The following FMNL2 variants were observed in gnomAD, a reference collection of about 807,000 sequenced individuals.
FMNL2 encodes the protein formin-like protein 2.
FMNL2 carries 51 observed loss-of-function variants against 130.2 expected under a neutral mutation model. The observed-to-expected ratio is 0.39, with a 90% confidence interval of 0.31 to 0.49. The LOEUF is 0.49. Ranked by LOEUF, FMNL2 falls within the 20% of genes least tolerant of loss-of-function variation. The pLI is 0.85. For missense variants in FMNL2, 977 were observed against 1,316.2 expected (o/e 0.74, Z 3.99); for synonymous variants, 465 against 467.1 (o/e 1.00, Z 0.06).
At chr2:152,574,206 G>C (rs1286349298) in intron 6 of FMNL2, among the ~76,000 whole-genome samples, 1 of 152,184 alleles carries the variant, frequency 6.6e-6, no homozygotes, top group Non-Finnish European at 1.5e-5. Flanking sequence ...GGGAGGCCGA[G>C]GTAGGTGGAT....
intron 1 of FMNL2, among the ~76,000 whole-genome samples, chr2:152,414,982 G>A (rs116661218): frequency 0.024 from 3,670 of 152,204 alleles, 138 homozygotes; most frequent in African/African-American, 0.084. Context: ...ATATGTGTGG[G>A]AAGGTCCCTG....
At chr2:152,402,964 G>C (rs1375950674) in intron 1 of FMNL2, among the ~76,000 whole-genome samples, 1 of 152,140 alleles carries the variant, frequency 6.6e-6, no homozygotes, top group Non-Finnish European at 1.5e-5. Flanking sequence ...ATTTTTGGTT[G>C]TGACAGTGTC....
intron 1 of FMNL2, among the ~76,000 whole-genome samples, chr2:152,497,528 T>C (rs1377629669): frequency 6.6e-6 from 1 of 152,218 alleles, no homozygotes; most frequent in Admixed American, 6.5e-5. Context: ...GCTCAGAAGG[T>C]GTCATTTCTT....
chr2:152,595,748 ATC>A (rs1191665237), intron 9 of FMNL2, among the ~76,000 whole-genome samples: 1 of 151,984 alleles, frequency 6.6e-6, no homozygotes, highest in Non-Finnish European at 1.5e-5. Flanking sequence ...TGCGGAGGAG[ATC>A]TCTTTCTGTC....
chr2:152,520,489 G>A (rs1300930901), intron 1 of FMNL2, among the ~76,000 whole-genome samples: 1 of 151,904 alleles, frequency 6.6e-6, no homozygotes, highest in African/African-American at 2.4e-5. Flanking sequence ...CAGCTACTTA[G>A]GAGGCTGAGG....
At chr2:152,384,780 C>T (rs902428747) in intron 1 of FMNL2, among the ~76,000 whole-genome samples, 3 of 152,138 alleles carry the variant, frequency 2.0e-5, no homozygotes, top group Admixed American at 1.3e-4. Context: ...TAAGATTGGC[C>T]TTCCCTGGTC....
At chr2:152,499,271 A>C (rs1324746953) in intron 1 of FMNL2, among the ~76,000 whole-genome samples, 1 of 152,224 alleles carries the variant, frequency 6.6e-6, no homozygotes, top group Non-Finnish European at 1.5e-5. Flanking sequence ...AGAAAAAGGA[A>C]AGGCACAAAG....
In FMNL2 at chr2:152,631,877, CTG is replaced by C. The variant is rs1278610398; in HGVS notation, c.2551-130_2551-129del. 5.1e-6 allele frequency: 5 copies of C among 989,622 alleles called. No individual in the cohort carries two copies. In the African/African-American group the frequency reaches 8.2e-5, roughly 16 times the overall value. 61.3% of individuals were successfully genotyped at this position (989,622 alleles called of 1,614,324 possible). Reference sequence around the variant, plus strand: ...GAACAAATGGAATCCTGACCCTCCTCTGGGAATGCTCCAGCCTGTTGGGCGAC... The same window carrying C: ...GAACAAATGGAATCCTGACCCTCCTCGGAATGCTCCAGCCTGTTGGGCGAC... On this transcript the variant is annotated intron_variant, in intron 20 of 25. Coordinates refer to ENST00000288670, the MANE Select transcript of FMNL2 (RefSeq NM_052905.4).
At chr2:152,560,246 C>T (rs1267166811) in intron 5 of FMNL2, among the ~76,000 whole-genome samples, 3 of 151,056 alleles carry the variant, frequency 2.0e-5, no homozygotes, top group Admixed American at 1.3e-4. Context: ...TGTTTAAAAA[C>T]TTTGTTCCTA....
rs115989162 is a variant in FMNL2, at chr2:152,416,062, C to T, written c.117+80342C>T. On this transcript the variant is annotated intron_variant, in intron 1 of 25. Transcript: ENST00000288670. ...GGAAAAACCCCACTTATTGGAGCAT[C>T]TGCCAAGCATGGATGGAGGAGGGCT... Among the ~76,000 whole-genome samples the T allele has an allele frequency of 1.4e-3, 216 of 152,262 alleles. 1 individual carries two copies. The highest frequency in any genetic ancestry group is 5.0e-3 in the African/African-American group (207 of 41,558).
chr2:152,390,101 G>A (rs1048111451), intron 1 of FMNL2: 46 of 1,426,122 alleles, frequency 3.2e-5, no homozygotes, highest in Middle Eastern at 1.8e-4. Flanking sequence ...AAGATGAGGA[G>A]GACAAAGGAA....
At position 152,397,495 on chromosome 2, in the gene FMNL2, T is replaced by C. The variant is rs1369125297; in HGVS notation, c.117+61775T>C. 2.6e-5 allele frequency among the ~76,000 whole-genome samples: 4 copies of C among 152,200 alleles called. No individual in the cohort carries two copies. The East Asian group carries it at 7.7e-4, about 29-fold the overall frequency. Reference sequence around the variant, plus strand: ...GAGAGAAGTTAAATTTTCCAGTATGTTTTAAGAAAATAAACAAAATGAGAC... The same window carrying C: ...GAGAGAAGTTAAATTTTCCAGTATGCTTTAAGAAAATAAACAAAATGAGAC... On this transcript the variant is annotated intron_variant, in intron 1 of 25. Coordinates refer to ENST00000288670, the MANE Select transcript of FMNL2 (RefSeq NM_052905.4).
intron 21 of FMNL2, among the ~76,000 whole-genome samples, chr2:152,633,568 C>A (rs1303492264): frequency 6.6e-6 from 1 of 152,170 alleles, no homozygotes; most frequent in East Asian, 1.9e-4. Context: ...GACTGAGAGG[C>A]AGATGGAGAT....
chr2:152,563,284 C>A (rs967199998), intron 6 of FMNL2, among the ~76,000 whole-genome samples: 2 of 152,176 alleles, frequency 1.3e-5, no homozygotes. Flanking sequence ...GAAACCAATA[C>A]CACATTCTTC....
chr2:152,492,268 T>C (rs1347365078), intron 1 of FMNL2, among the ~76,000 whole-genome samples: 1 of 152,130 alleles, frequency 6.6e-6, no homozygotes, highest in Non-Finnish European at 1.5e-5. Context: ...AGTCTCTATC[T>C]CCAAAAGCAA....
At chr2:152,578,846 C>T in intron 7 of FMNL2, 42 bp from the exon 8 acceptor site, 2 of 1,545,352 alleles carry the variant, frequency 1.3e-6, no homozygotes, top group Non-Finnish European at 1.8e-6. Context: ...TAACTTGTCT[C>T]CCAATGCTTT....
intron 6 of FMNL2, among the ~76,000 whole-genome samples, chr2:152,569,567 G>C (rs1201117505): frequency 6.6e-6 from 1 of 151,740 alleles, no homozygotes; most frequent in Non-Finnish European, 1.5e-5. Flanking sequence ...CGTGGTCTTA[G>C]CTCCTTGGGG....
At chr2:152,512,509 T>C (rs1403521487) in intron 1 of FMNL2, among the ~76,000 whole-genome samples, 1 of 152,154 alleles carries the variant, frequency 6.6e-6, no homozygotes, top group East Asian at 1.9e-4. Flanking sequence ...CAAGATTGGC[T>C]CTCCCACCTA....
At chr2:152,412,558 G>A (rs1367860789) in intron 1 of FMNL2, among the ~76,000 whole-genome samples, 8 of 147,068 alleles carry the variant, frequency 5.4e-5, no homozygotes, top group Non-Finnish European at 1.0e-4. Context: ...TATAATCCCA[G>A]CACTTGGGAA....
Sources: gnomAD v4.1 joint callset for allele counts (sites outside exome capture counted in the v4.1 genomes callset) on GRCh38, gnomAD v4.1.1 for gene constraint, MANE v1.5 for transcripts, NCBI Gene and HGNC (gene_info 2026-07-23, HGNC 2026-07-21) for gene names.